Variants in SI observed in about 807,000 individuals in gnomAD.
The protein encoded by SI is sucrase-isomaltase, intestinal.
SI carries 235 observed loss-of-function variants against 253.3 expected under a neutral mutation model. The ratio of observed to expected loss-of-function variants is 0.93; its 90% CI spans 0.83 to 1.03. The LOEUF (loss-of-function observed/expected upper bound fraction) is 1.03, where lower values mean the gene tolerates loss of function less well. SI is among the 50% of genes least tolerant of loss of function. The probability of loss-of-function intolerance (pLI) is 0.00; values close to 1 mark genes in which losing one functional copy is unlikely to be tolerated. For synonymous variants in SI, 819 were observed against 712.0 expected, an observed-to-expected ratio of 1.15 and a Z score of -2.39; for missense variants, 2,442 against 2,211.1, an observed-to-expected ratio of 1.10 and a Z score of -2.09.
At chr3:164,988,344 G>A (rs983042471) in intron 44 of SI, among the ~76,000 whole-genome samples, 28 of 152,076 alleles carry the variant, frequency 1.8e-4, no homozygotes, top group Non-Finnish European at 7.4e-5. Flanking sequence ...CACAGTCACT[G>A]GGGTTTAAAT....
chr3:165,019,091 G>T (rs1223138046), intron 28 of SI, among the ~76,000 whole-genome samples: 1 of 151,596 alleles, frequency 6.6e-6, no homozygotes, highest in Non-Finnish European at 1.5e-5. Flanking sequence ...AAAATGTGTT[G>T]CATTAACGAG....
At chr3:165,042,355 A>C (rs1325415205) in intron 17 of SI, among the ~76,000 whole-genome samples, 2 of 152,106 alleles carry the variant, frequency 1.3e-5, no homozygotes, top group Non-Finnish European at 2.9e-5. Context: ...CCCTGTATGC[A>C]ACCAGTGTGT....
intron 45 of SI, among the ~76,000 whole-genome samples, chr3:164,984,429 C>G (rs1576865648): frequency 6.6e-6 from 1 of 151,902 alleles, no homozygotes. Context: ...TATTCCTTAA[C>G]CATTTTAGTT....
chr3:165,041,936 A>C (rs1334253897), intron 17 of SI, among the ~76,000 whole-genome samples: 1 of 152,024 alleles, frequency 6.6e-6, no homozygotes, highest in African/African-American at 2.4e-5. Context: ...ACTTTCCCTG[A>C]AGGACTCCCC....
intron 22 of SI, among the ~76,000 whole-genome samples, chr3:165,034,458 T>C (rs1484132150): frequency 6.6e-6 from 1 of 151,978 alleles, no homozygotes; most frequent in East Asian, 1.9e-4. Flanking sequence ...CATTGTTTGA[T>C]TGATGACTAC....
At chr3:165,038,526 G>T (rs1283838433) in intron 20 of SI, among the ~76,000 whole-genome samples, 1 of 149,202 alleles carries the variant, frequency 6.7e-6, no homozygotes, top group Non-Finnish European at 1.5e-5. Context: ...TGGCCAACAT[G>T]GTGAAACCCC....
At position 165,052,011 on chromosome 3, in the gene SI, AT is replaced by A. The variant is rs888260763; in HGVS notation, c.1513-2137del. Among the ~76,000 whole-genome samples the A allele has an allele frequency of 2.0e-4, 31 of 151,976 alleles. No homozygotes were observed. In the South Asian group the frequency reaches 2.5e-3, roughly 12 times the overall value. The stretch of plus-strand genomic sequence containing the variant: ...TAAATTATTAACCTACTGAGGCAAA[AT>A]TTTTTTTCATAATTTTAACCATATT... On this transcript the variant is annotated intron_variant, in intron 13 of 47. Coordinates refer to ENST00000264382, the MANE Select transcript of SI (RefSeq NM_001041.4).
intron 24 of SI, 108 bp downstream of exon 24, chr3:165,032,414 G>A: frequency 1.5e-6 from 1 of 682,680 alleles, no homozygotes; most frequent in Non-Finnish European, 2.4e-6. Context: ...ACGAAGGGAA[G>A]AAAGGAATAC....
At chr3:165,073,652 A>G (rs957824254) in intron 3 of SI, among the ~76,000 whole-genome samples, 7 of 152,140 alleles carry the variant, frequency 4.6e-5, no homozygotes, top group Non-Finnish European at 8.8e-5. Flanking sequence ...ATGTCAATAT[A>G]TAGAGTCAGC....
chr3:165,075,711 T>C (rs1212735257), intron 2 of SI, among the ~76,000 whole-genome samples, 184 bp downstream of exon 2: 1 of 151,938 alleles, frequency 6.6e-6, no homozygotes, highest in Non-Finnish European at 1.5e-5. Flanking sequence ...TTACTTACAA[T>C]AGCTCATCAT....
intron 16 of SI, among the ~76,000 whole-genome samples, chr3:165,045,758 G>A (rs190823494): frequency 7.6e-6 from 1 of 132,422 alleles, no homozygotes; most frequent in Non-Finnish European, 1.6e-5. Context: ...AAGTAAAATT[G>A]TTAACAGTTA....
intron 23 of SI, 65 bp from the exon 24 acceptor site, chr3:165,032,757 C>A: frequency 9.0e-7 from 1 of 1,116,574 alleles, no homozygotes; most frequent in Non-Finnish European, 1.3e-6. Context: ...ATAACAATAC[C>A]GATAAGAAAT....
intron 37 of SI, among the ~76,000 whole-genome samples, chr3:165,005,705 G>A (rs1179773604): frequency 1.3e-5 from 2 of 151,984 alleles, no homozygotes; most frequent in Admixed American, 6.6e-5. Context: ...ATATATGGCT[G>A]GTAAGTACCA....
intron 25 of SI, among the ~76,000 whole-genome samples, chr3:165,027,814 C>T (rs568538214): frequency 3.3e-5 from 5 of 151,584 alleles, no homozygotes; most frequent in African/African-American, 9.6e-5. Context: ...CCGTCTATGA[C>T]AAACCCACAG....
chr3:165,052,106 C>A (rs1413668797), intron 13 of SI, among the ~76,000 whole-genome samples: 1 of 151,788 alleles, frequency 6.6e-6, no homozygotes, highest in Non-Finnish European at 1.5e-5. Flanking sequence ...GTCTATATAG[C>A]AAGATTGTAT....
intron 12 of SI, among the ~76,000 whole-genome samples, chr3:165,058,541 A>C (rs1713814133): frequency 6.6e-6 from 1 of 151,944 alleles, no homozygotes; most frequent in Admixed American, 6.6e-5. Context: ...AGCTAGACTA[A>C]GAAAAAAAGC....
intron 37 of SI, 26 bp from the exon 38 acceptor site, chr3:164,998,699 A>T: frequency 6.3e-7 from 1 of 1,595,798 alleles, no homozygotes; most frequent in Non-Finnish European, 8.6e-7. Flanking sequence ...AGTATTTTTG[A>T]GTTTTTACAT....
At chr3:164,980,150 CCTA>C (rs1351476826) in intron 47 of SI, among the ~76,000 whole-genome samples, 1 of 151,762 alleles carries the variant, frequency 6.6e-6, no homozygotes, top group Non-Finnish European at 1.5e-5. Context: ...TCCTTTACTA[CCTA>C]CCACATACCA....
rs756930664 is a variant in SI, at chr3:165,015,199, T to A, written c.3923A>T (p.Tyr1308Phe). The A allele has an allele frequency of 6.8e-6, 11 of 1,613,262 alleles. No individual in the cohort carries two copies. The highest frequency in any genetic ancestry group is 3.4e-6 in the Non-Finnish European group (4 of 1,179,558). The change falls in exon 33 of 48, where the codon TAC (tyrosine) becomes TTC (phenylalanine). Residue 1308 changes from tyrosine (Y) to phenylalanine (F), a missense_variant. Coordinates refer to ENST00000264382, the MANE Select transcript of SI (RefSeq NM_001041.4). ...CTGCTGTCCTCTTTCAAATGCAGGG[T>A]AAGTCTTTGTTTCATTTCCTGAAAT... ...PAISGNETKT[Y>F]PAFERGQQND... is the part of the protein sequence containing the mutation.
Sources: gnomAD v4.1 joint callset for allele counts (sites outside exome capture counted in the v4.1 genomes callset) on GRCh38, gnomAD v4.1.1 for gene constraint, MANE v1.5 for transcripts, NCBI Gene and HGNC (gene_info 2026-07-23, HGNC 2026-07-21) for gene names.